The following GABRB1 variants were observed in gnomAD, a reference collection of about 807,000 sequenced individuals.
GABRB1 encodes the protein gamma-aminobutyric acid receptor subunit beta-1.
GABRB1 carries 17 observed loss-of-function variants against 51.6 expected under a neutral mutation model. The observed-to-expected ratio is 0.33, with a 90% CI of 0.23 to 0.49. The LOEUF (loss-of-function observed/expected upper bound fraction) is 0.49, where lower values mean the gene tolerates loss of function less well. GABRB1 is among the 20% of genes least tolerant of loss of function. GABRB1 has a pLI of 0.99. For synonymous variants in GABRB1, 247 were observed against 218.9 expected, an observed-to-expected ratio of 1.13 and a Z score of -1.14; for missense variants, 410 against 600.6, an observed-to-expected ratio of 0.68 and a Z score of 3.32.
chr4:47,062,501 CA>C (rs1726887582), intron 3 of GABRB1, among the ~76,000 whole-genome samples: 1 of 151,354 alleles, frequency 6.6e-6, no homozygotes, highest in African/African-American at 2.4e-5. Flanking sequence ...ACAGATTAGG[CA>C]ATTTATTTTA....
At chr4:47,298,745 G>T (rs1018657029) in intron 4 of GABRB1, among the ~76,000 whole-genome samples, 35 of 152,084 alleles carry the variant, frequency 2.3e-4, no homozygotes, top group Non-Finnish European at 3.8e-4. Context: ...CTACTTTAAA[G>T]TTCATATGGA....
chr4:47,214,998 A>G (rs1181966699), intron 4 of GABRB1, among the ~76,000 whole-genome samples: 1 of 152,092 alleles, frequency 6.6e-6, no homozygotes, highest in Non-Finnish European at 1.5e-5. Context: ...TCAATTTTAT[A>G]ATAGGTTTGT....
intron 5 of GABRB1, among the ~76,000 whole-genome samples, chr4:47,323,831 G>A (rs192302631): frequency 7.2e-5 from 11 of 152,172 alleles, no homozygotes; most frequent in African/African-American, 2.7e-4. Context: ...AGCCATAAAG[G>A]CTTGTTAAAT....
chr4:47,327,712 A>G lies in GABRB1; in HGVS notation c.544+7503A>G, dbSNP rs193144356. On this transcript the variant is annotated intron_variant, in intron 5 of 8. Coordinates refer to ENST00000295454, the MANE Select transcript of GABRB1 (RefSeq NM_000812.4). ...TCTGTTTAACTCTCAGAAGATTGTC[A>G]TTGTCTTTATATAAATATCTTGATA... Among the ~76,000 whole-genome samples the G allele has an allele frequency of 5.9e-5, 9 of 152,342 alleles. No homozygotes were observed. In the East Asian group the frequency reaches 1.7e-3, roughly 29 times the overall value.
intron 3 of GABRB1, among the ~76,000 whole-genome samples, chr4:47,039,065 C>T (rs1360895879): frequency 6.6e-6 from 1 of 151,926 alleles, no homozygotes; most frequent in East Asian, 1.9e-4. Flanking sequence ...TTATTCACTA[C>T]TTGACAGATA....
intron 3 of GABRB1, among the ~76,000 whole-genome samples, chr4:47,130,442 T>C (rs535561995): frequency 1.3e-5 from 2 of 150,976 alleles, no homozygotes; most frequent in East Asian, 2.0e-4. Context: ...GAAAATACAG[T>C]TCCTTCTCCA....
At chr4:47,123,717 G>GATATATCAT (rs557406727) in intron 3 of GABRB1, among the ~76,000 whole-genome samples, 2 of 58,602 alleles carry the variant, frequency 3.4e-5, no homozygotes, top group African/African-American at 6.2e-5. Context: ...TATGATATAT[G>GATATATCAT]ATATATGATA....
At chr4:47,104,386 A>G (rs543051815) in intron 3 of GABRB1, among the ~76,000 whole-genome samples, 1 of 151,666 alleles carries the variant, frequency 6.6e-6, no homozygotes, top group South Asian at 2.1e-4. Context: ...TTGTTTTTGT[A>G]TTTATTACTT....
intron 5 of GABRB1, among the ~76,000 whole-genome samples, chr4:47,350,349 A>T (rs1726282344): frequency 6.6e-6 from 1 of 150,388 alleles, no homozygotes; most frequent in Admixed American, 6.6e-5. Context: ...ATTTATGTGT[A>T]CAATTTTAAT....
chr4:47,223,436 C>T (rs987333737), intron 4 of GABRB1, among the ~76,000 whole-genome samples: 12 of 152,078 alleles, frequency 7.9e-5, no homozygotes, highest in African/African-American at 2.9e-4. Flanking sequence ...TGTAATGCAG[C>T]TATAGAAATG....
At chr4:47,099,896 G>T (rs560289624) in intron 3 of GABRB1, among the ~76,000 whole-genome samples, 1 of 151,542 alleles carries the variant, frequency 6.6e-6, no homozygotes, top group South Asian at 2.1e-4. Context: ...GCCTTATTTA[G>T]TGATTACAGA....
intron 1 of GABRB1, among the ~76,000 whole-genome samples, chr4:47,001,177 C>A (rs897793963): frequency 6.6e-6 from 1 of 152,160 alleles, no homozygotes; most frequent in Non-Finnish European, 1.5e-5. Context: ...GAGTCTCGCT[C>A]TGTCGCCCAG....
At chr4:46,998,393 A>G (rs1370299622) in intron 1 of GABRB1, among the ~76,000 whole-genome samples, 1 of 152,146 alleles carries the variant, frequency 6.6e-6, no homozygotes, top group Admixed American at 6.5e-5. Context: ...AATATTAGTT[A>G]TTCAATATTA....
chr4:47,024,933 C>CATATATATCTATATATATATATAT (rs1725040011), intron 1 of GABRB1, among the ~76,000 whole-genome samples: 2 of 86,202 alleles, frequency 2.3e-5, no homozygotes, highest in African/African-American at 5.0e-5. Context: ...AGTATTCCAT[C>CATATATATCTATATATATATATAT]ATATATATAT....
intron 4 of GABRB1, among the ~76,000 whole-genome samples, chr4:47,264,913 T>C (rs1004744607): frequency 4.6e-5 from 7 of 152,242 alleles, no homozygotes; most frequent in African/African-American, 1.7e-4. Context: ...TCATGCACTA[T>C]GTGCTTTCTG....
At chr4:47,001,794 T>C (rs1470181746) in intron 1 of GABRB1, among the ~76,000 whole-genome samples, 1 of 152,216 alleles carries the variant, frequency 6.6e-6, no homozygotes, top group Non-Finnish European at 1.5e-5. Context: ...TCCTAACTAA[T>C]ACAGTTGTAC....
intron 4 of GABRB1, among the ~76,000 whole-genome samples, chr4:47,234,127 T>A (rs1326628132): frequency 6.6e-6 from 1 of 152,178 alleles, no homozygotes; most frequent in African/African-American, 2.4e-5. Context: ...AAGAACTTAA[T>A]AAGACTTAGT....
At chr4:46,994,782 T>C (rs1723932179) in intron 1 of GABRB1, among the ~76,000 whole-genome samples, 1 of 152,166 alleles carries the variant, frequency 6.6e-6, no homozygotes, top group African/African-American at 2.4e-5. Flanking sequence ...GCTAAGTAAT[T>C]CCCATACCTT....
rs974282808 is a variant in GABRB1, at chr4:47,216,319, C to A, written c.461+54850C>A. ...GTATCCTTTACCCTGTGTCTGAGAC[C>A]AATCATAAAGTGACATACAGTTTTC... On this transcript the variant is annotated intron_variant, in intron 4 of 8. Transcript: ENST00000295454. Among the ~76,000 whole-genome samples the A allele has an allele frequency of 2.2e-4, 33 of 151,720 alleles. 1 individual carries two copies. The highest frequency in any genetic ancestry group is 9.9e-4 in the Admixed American group (15 of 15,200).
Sources: gnomAD v4.1 joint callset for allele counts (sites outside exome capture counted in the v4.1 genomes callset) on GRCh38, gnomAD v4.1.1 for gene constraint, MANE v1.5 for transcripts, NCBI Gene and HGNC (gene_info 2026-07-23, HGNC 2026-07-21) for gene names.